The following LARGE1 variants were observed in gnomAD, a reference collection of about 807,000 sequenced individuals.
The protein encoded by LARGE1 is xylosyl- and glucuronyltransferase LARGE1.
A neutral mutation model predicts 87.6 loss-of-function variants in LARGE1; 43 were observed. The ratio of observed to expected loss-of-function variants is 0.49; its 90% CI spans 0.38 to 0.63. The LOEUF (loss-of-function observed/expected upper bound fraction) is 0.63. Ranked by LOEUF, LARGE1 falls within the 30% of genes least tolerant of loss-of-function variation. The probability of loss-of-function intolerance (pLI) is 0.00; values close to 1 mark genes in which losing one functional copy is unlikely to be tolerated. For synonymous variants in LARGE1, 434 were observed against 394.6 expected, an observed-to-expected ratio of 1.10 and a Z score of -1.18; for missense variants, 802 against 1,000.2, an observed-to-expected ratio of 0.80 and a Z score of 2.67.
At chr22:33,871,353 T>G (rs1368675190) in intron 1 of LARGE1, among the ~76,000 whole-genome samples, 2 of 152,158 alleles carry the variant, frequency 1.3e-5, no homozygotes, top group Non-Finnish European at 2.9e-5. Context: ...CAGTAAGCAT[T>G]TAATGAGCAC....
intron 1 of LARGE1, among the ~76,000 whole-genome samples, chr22:33,860,638 A>ACCTCAGAG (rs1177332661): frequency 6.6e-6 from 1 of 152,134 alleles, no homozygotes; most frequent in Admixed American, 6.5e-5. Context: ...TGGGATCAGC[A>ACCTCAGAG]CCTCAGAGGG....
At chr22:33,448,842 C>T (rs934810875) in intron 6 of LARGE1, among the ~76,000 whole-genome samples, 5 of 152,164 alleles carry the variant, frequency 3.3e-5, no homozygotes, top group Non-Finnish European at 5.9e-5. Flanking sequence ...GCACCACGAC[C>T]ATCAAGATAC....
intron 7 of LARGE1, among the ~76,000 whole-genome samples, chr22:33,395,352 G>A (rs1403771932): frequency 6.6e-6 from 1 of 152,072 alleles, no homozygotes; most frequent in African/African-American, 2.4e-5. Flanking sequence ...TAACCGGATG[G>A]AGCCAATAAA....
chr22:33,218,745 A>G (rs931319137), intron 11 of LARGE1, among the ~76,000 whole-genome samples: 2 of 152,206 alleles, frequency 1.3e-5, no homozygotes, highest in Non-Finnish European at 2.9e-5. Flanking sequence ...AAGGACAGTG[A>G]GATTTAGAGA....
intron 1 of LARGE1, among the ~76,000 whole-genome samples, chr22:33,773,309 A>C (rs2085130649): frequency 1.3e-5 from 2 of 152,210 alleles, no homozygotes; most frequent in Non-Finnish European, 2.9e-5. Context: ...GCCGCACGCA[A>C]TATGCTCTCA....
At chr22:33,226,743 T>A (rs941856179) in intron 11 of LARGE1, among the ~76,000 whole-genome samples, 2 of 151,654 alleles carry the variant, frequency 1.3e-5, no homozygotes, top group African/African-American at 2.4e-5. Context: ...ATTATTTTTT[T>A]TTTTGAGACG....
chr22:33,467,641 A>G (rs2068669939), intron 6 of LARGE1, among the ~76,000 whole-genome samples: 1 of 152,208 alleles, frequency 6.6e-6, no homozygotes, highest in African/African-American at 2.4e-5. Context: ...CAACCCTGCG[A>G]TATTTCATTC....
intron 11 of LARGE1, among the ~76,000 whole-genome samples, chr22:33,245,240 T>C (rs913322732): frequency 2.0e-5 from 3 of 152,182 alleles, no homozygotes; most frequent in Admixed American, 6.5e-5. Context: ...CCTTGCAAAA[T>C]TGCCCTTGTT....
chr22:33,506,206 A>G (rs1167344331), intron 6 of LARGE1, among the ~76,000 whole-genome samples: 3 of 151,940 alleles, frequency 2.0e-5, no homozygotes, highest in African/African-American at 7.3e-5. Context: ...TAATATATAT[A>G]TATATATATT....
chr22:33,208,872 T>A (rs1924818430), intron 11 of LARGE1, among the ~76,000 whole-genome samples: 2 of 152,206 alleles, frequency 1.3e-5, no homozygotes, highest in Non-Finnish European at 2.9e-5. Flanking sequence ...GCTTCTAGCT[T>A]CATCCATGTC....
chr22:33,828,135 G>GA (rs1568965442), intron 1 of LARGE1, among the ~76,000 whole-genome samples: 1 of 152,208 alleles, frequency 6.6e-6, no homozygotes, highest in Non-Finnish European at 1.5e-5. Flanking sequence ...GAGGGGAGAA[G>GA]ATGAGCTCTG....
At chr22:33,893,248 A>C (rs2146845498) in intron 1 of LARGE1, among the ~76,000 whole-genome samples, 1 of 152,326 alleles carries the variant, frequency 6.6e-6, no homozygotes, top group African/African-American at 2.4e-5. Context: ...GGTAGGTAAA[A>C]CAAAATGTAT....
At chr22:33,159,311 A>C (rs1046680408), downstream of LARGE1, among the ~76,000 whole-genome samples, 17 of 152,240 alleles carry the variant, frequency 1.1e-4, no homozygotes, top group Non-Finnish European at 5.9e-5. Flanking sequence ...TTTCAATTTG[A>C]AGTTCTCAGT....
chr22:33,258,895 C>T (rs62224755), intron 11 of LARGE1, among the ~76,000 whole-genome samples: 1 of 141,858 alleles, frequency 7.0e-6, no homozygotes, highest in African/African-American at 2.6e-5. Context: ...TTTTTTTTTC[C>T]AAGACATAGT....
chr22:33,356,790 AAAAG>A (rs1176098199), intron 9 of LARGE1, among the ~76,000 whole-genome samples: 1 of 152,170 alleles, frequency 6.6e-6, no homozygotes, highest in South Asian at 2.1e-4. Context: ...AGAAAAAAAG[AAAAG>A]AAAGAAAGAG....
intron 2 of LARGE1, among the ~76,000 whole-genome samples, chr22:33,745,122 G>A (rs1303252300): frequency 6.6e-6 from 1 of 152,164 alleles, no homozygotes; most frequent in African/African-American, 2.4e-5. Flanking sequence ...AAGCGAAGAA[G>A]CCAAGAAAAT....
Position 33,461,071 on chromosome 22 carries a change from A to G in LARGE1, c.788-28806T>C, listed in dbSNP as rs549305827. On this transcript the variant is annotated intron_variant, in intron 6 of 14. Transcript: ENST00000397394. ...TACCACAACATCAAACAAAAACTGC[A>G]GAAGTAACAATGAATTCAACCCCAG... Among the ~76,000 whole-genome samples, 7 of 152,336 alleles carry G rather than the reference A, an allele frequency of 4.6e-5. No individual in the cohort carries two copies. In the East Asian group the frequency reaches 1.3e-3, roughly 29 times the overall value.
At chr22:33,584,660 T>A (rs73882274) in intron 5 of LARGE1, among the ~76,000 whole-genome samples, 1,602 of 149,434 alleles carry the variant, frequency 0.011, 23 homozygotes, top group African/African-American at 0.038. Flanking sequence ...AGCCAGCTGG[T>A]TTCCCTGTGC....
At chr22:33,447,468 C>A (rs528762013) in intron 6 of LARGE1, among the ~76,000 whole-genome samples, 1 of 152,288 alleles carries the variant, frequency 6.6e-6, no homozygotes, top group South Asian at 2.1e-4. Context: ...CCCCTGTGAT[C>A]CACATAAGGG....
Sources: gnomAD v4.1 joint callset for allele counts (sites outside exome capture counted in the v4.1 genomes callset) on GRCh38, gnomAD v4.1.1 for gene constraint, MANE v1.5 for transcripts, NCBI Gene and HGNC (gene_info 2026-07-23, HGNC 2026-07-21) for gene names.